FKBP5: variants seen among roughly 807,000 people sequenced by gnomAD.
FKBP5 encodes the protein peptidyl-prolyl cis-trans isomerase FKBP5.
FKBP5 carries 23 observed loss-of-function variants against 50.5 expected under a neutral mutation model. The ratio of observed to expected loss-of-function variants is 0.46; its 90% confidence interval spans 0.33 to 0.65. The LOEUF (loss-of-function observed/expected upper bound fraction) is 0.65, where lower values mean the gene tolerates loss of function less well. FKBP5 is among the 30% of genes least tolerant of loss of function. The pLI is 0.02. For synonymous variants in FKBP5, 176 were observed against 190.6 expected (o/e 0.92, Z 0.63); for missense variants, 411 against 553.1 (o/e 0.74, Z 2.58).
intron 5 of FKBP5, among the ~76,000 whole-genome samples, chr6:35,610,185 G>A (rs545019849): frequency 6.6e-6 from 1 of 152,266 alleles, no homozygotes; most frequent in South Asian, 2.1e-4. Context: ...ATGGGCACAG[G>A]AAAGTTGACT....
intron 5 of FKBP5, among the ~76,000 whole-genome samples, chr6:35,606,899 T>C (rs1177613942): frequency 6.6e-6 from 1 of 152,134 alleles, no homozygotes; most frequent in Non-Finnish European, 1.5e-5. Context: ...ATCAGAAAGA[T>C]AGCTGGCATT....
chr6:35,580,217 C>T lies in FKBP5; in HGVS notation c.845G>A (p.Gly282Asp), dbSNP rs1441240564. 6.2e-7 allele frequency: 1 copy of T among 1,610,256 alleles called. No homozygotes were observed. The highest frequency in any genetic ancestry group is 1.3e-5 in the African/African-American group (1 of 74,844). ...CTGAATCACCGCCTGCATGTATTTGCCTCCCTAGGATAAAAAAGCGTCATT... is the reference window on the plus strand; with the variant it reads ...CTGAATCACCGCCTGCATGTATTTGTCTCCCTAGGATAAAAAAGCGTCATT... ...KEKGTVYFKGGKYMQAVIQYG... is the reference protein window; with the variant it reads ...KEKGTVYFKGDKYMQAVIQYG... Residue 282 changes from glycine (G) to aspartate (D), a missense_variant, in exon 9 of 11, where the codon GGC (glycine) becomes GAC (aspartate). Coordinates refer to ENST00000357266, the MANE Select transcript of FKBP5 (RefSeq NM_004117.4).
At chr6:35,628,077 T>C (rs1314694395) in intron 3 of FKBP5, among the ~76,000 whole-genome samples, 1 of 152,014 alleles carries the variant, frequency 6.6e-6, no homozygotes, top group Non-Finnish European at 1.5e-5. Flanking sequence ...CCGGCCTTCC[T>C]CCATATTCTT....
Position 35,637,011 on chromosome 6 carries a change from T to C in FKBP5, c.250+3A>G. 1 of 1,592,020 alleles carries C rather than the reference T, an allele frequency of 6.3e-7. No homozygotes were observed. Among genetic ancestry groups the C allele is most frequent in the Non-Finnish European group, 8.5e-7 (1 of 1,174,876 alleles). On this transcript the variant is annotated splice_donor_region_variant and intron_variant, in intron 3 of 10. Transcript: ENST00000357266. ...AACACAACTCAAAAAAATACCCTCT[T>C]ACCTTTGCCAAGACTAAAGACAAAT...
In FKBP5 at chr6:35,605,778, ACTC is replaced by A. The variant is rs138881156; in HGVS notation, c.509-8377_509-8375del. 7.3e-3 allele frequency among the ~76,000 whole-genome samples: 1,107 copies of A among 152,006 alleles called. 11 individuals carry two copies. The highest frequency in any genetic ancestry group is 0.023 in the African/African-American group (954 of 41,446). On this transcript the variant is annotated intron_variant, in intron 5 of 10. Coordinates refer to ENST00000357266, the MANE Select transcript of FKBP5 (RefSeq NM_004117.4). ...AAAAACAGGGTGTCCACTCTTAACA[ACTC>A]CTATTCAGCATGGTACTGAGCCACA... is the stretch of plus-strand genomic sequence containing the variant.
At chr6:35,644,773 A>G (rs1764584555) in intron 1 of FKBP5, among the ~76,000 whole-genome samples, 1 of 152,230 alleles carries the variant, frequency 6.6e-6, no homozygotes, top group Non-Finnish European at 1.5e-5. Context: ...TGTGATGCAC[A>G]GAAACTTGTA....
Position 35,591,173 on chromosome 6 carries a change from T to G in FKBP5, c.713A>C (p.Asn238Thr), listed in dbSNP as rs764131900. The change falls in exon 7 of 11, where the codon AAT becomes ACT. Residue 238 changes from asparagine (N) to threonine (T), a missense_variant. Physicochemically the swap from Asn to Thr is moderately conservative, Grantham distance 65. Coordinates refer to ENST00000357266, the MANE Select transcript of FKBP5 (RefSeq NM_004117.4). Reference sequence around the variant, plus strand: ...TGTAACTTCATATATAAGCTCAGCATTAGGTTCAATGCCAAATTTAGGCTT... The same window carrying G: ...TGTAACTTCATATATAAGCTCAGCAGTAGGTTCAATGCCAAATTTAGGCTT... ...AGKPKFGIEP[N>T]AELIYEVTLK... The G allele has an allele frequency of 1.9e-6, 3 of 1,613,514 alleles. No individual in the cohort carries two copies. In the Admixed American group the frequency reaches 5.0e-5, roughly 27 times the overall value.
chr6:35,586,282 A>C (rs1318356354), intron 8 of FKBP5: 8 of 985,126 alleles, frequency 8.1e-6, no homozygotes, highest in Non-Finnish European at 9.6e-6. Flanking sequence ...AGTTGCTCCA[A>C]GAAGGGTTTC....
At chr6:35,717,350 G>A (rs1469119497) in intron 2 of FKBP5, among the ~76,000 whole-genome samples, 2 of 152,146 alleles carry the variant, frequency 1.3e-5, no homozygotes, top group African/African-American at 4.8e-5. Flanking sequence ...GTGCCTGTGC[G>A]CCCATGTGTG....
chr6:35,647,281 A>G (rs910640516), intron 1 of FKBP5, among the ~76,000 whole-genome samples: 9 of 152,356 alleles, frequency 5.9e-5, no homozygotes, highest in African/African-American at 2.2e-4. Flanking sequence ...ATTATATACT[A>G]AAGGATGAAC....
At chr6:35,673,777 A>C (rs2151006161) in intron 1 of FKBP5, among the ~76,000 whole-genome samples, 1 of 152,266 alleles carries the variant, frequency 6.6e-6, no homozygotes, top group South Asian at 2.1e-4. Flanking sequence ...CCTGGTAATA[A>C]AACTATTTTT....
intron 1 of FKBP5, among the ~76,000 whole-genome samples, chr6:35,727,749 G>T (rs1766746519): frequency 6.6e-6 from 1 of 152,106 alleles, no homozygotes. Context: ...CCCGGACTGA[G>T]CGCTGGAGAA....
At chr6:35,703,177 G>A (rs1766222271) in intron 2 of FKBP5, among the ~76,000 whole-genome samples, 1 of 151,992 alleles carries the variant, frequency 6.6e-6, no homozygotes, top group Non-Finnish European at 1.5e-5. Flanking sequence ...TTGAGACTGG[G>A]AGGTGGAGGT....
intron 3 of FKBP5, among the ~76,000 whole-genome samples, chr6:35,629,844 TCTTA>T (rs1364065220): frequency 2.0e-5 from 3 of 152,212 alleles, no homozygotes; most frequent in Non-Finnish European, 2.9e-5. Flanking sequence ...GTAAGTACTT[TCTTA>T]AAGTTTGCTG....
intron 10 of FKBP5, 33 bp downstream of exon 10, chr6:35,576,961 G>GATCCACCTGCAGTCATCAGGCTCTGC: frequency 2.5e-6 from 4 of 1,607,408 alleles, no homozygotes; most frequent in Non-Finnish European, 3.4e-6. Context: ...TCAGGCTCTT[G>GATCCACCTGCAGTCATCAGGCTCTGC]ATCCACCTGC....
chr6:35,614,294 T>C (rs1763578994), intron 5 of FKBP5, among the ~76,000 whole-genome samples: 1 of 152,098 alleles, frequency 6.6e-6, no homozygotes, highest in African/African-American at 2.4e-5. Flanking sequence ...GAGACTGGAA[T>C]AGGGTGGAAA....
chr6:35,675,137 C>A (rs1245488372), intron 1 of FKBP5, among the ~76,000 whole-genome samples: 1 of 152,208 alleles, frequency 6.6e-6, no homozygotes, highest in Non-Finnish European at 1.5e-5. Context: ...GGTAAGTGCT[C>A]ATTTTGTCCC....
chr6:35,728,583 TG>T (rs1766775210), upstream of FKBP5: 1 of 152,352 alleles, frequency 6.6e-6, no homozygotes, highest in African/African-American at 2.4e-5. Context: ...GAGTTTGTTC[TG>T]GGGTAGTGGT....
At chr6:35,653,950 T>A (rs1283369109) in intron 1 of FKBP5, among the ~76,000 whole-genome samples, 1 of 151,976 alleles carries the variant, frequency 6.6e-6, no homozygotes, top group African/African-American at 2.4e-5. Context: ...AAAAAAATAA[T>A]AAAAATAAAA....
Sources: allele counts gnomAD v4.1 joint callset (sites outside exome capture counted in the v4.1 genomes callset), GRCh38; gene constraint gnomAD v4.1.1; transcripts MANE v1.5; gene names NCBI Gene and HGNC (gene_info 2026-07-23, HGNC 2026-07-21).